Variants in ABLIM1 observed in about 807,000 individuals in gnomAD.
ABLIM1 encodes the protein actin binding LIM protein 1.
In ABLIM1, 40 loss-of-function variants were observed where a neutral mutation model predicts 107.0. The ratio of observed to expected loss-of-function variants is 0.37; its 90% CI spans 0.29 to 0.49. The LOEUF (loss-of-function observed/expected upper bound fraction) is 0.49. Ranked by LOEUF, ABLIM1 falls within the 20% of genes least tolerant of loss-of-function variation. The pLI, the probability that ABLIM1 is intolerant of heterozygous loss-of-function variation, is 0.97. For synonymous variants in ABLIM1, 357 were observed against 357.3 expected, an observed-to-expected ratio of 1.00 and a Z score of 0.01; for missense variants, 857 against 1,008.5, an observed-to-expected ratio of 0.85 and a Z score of 2.04.
chr10:114,607,889 C>T (rs1350932208), intron 1 of ABLIM1, among the ~76,000 whole-genome samples: 5 of 152,132 alleles, frequency 3.3e-5, no homozygotes, highest in South Asian at 2.1e-4. Flanking sequence ...GTAAAAACTA[C>T]GGAAATCTGA....
rs534424522 is a variant in ABLIM1, at chr10:114,576,718, G to C, written c.380-1119C>G. ...TCACTAACTACAAGCTACGGAAGAC[G>C]TTCAAGGTGATCCAAAACCCACAAA... is the stretch of plus-strand genomic sequence containing the variant. On this transcript the variant is annotated intron_variant, in intron 2 of 22. Transcript: ENST00000533213. Among the ~76,000 whole-genome samples the C allele has an allele frequency of 1.6e-4, 24 of 152,232 alleles. No homozygotes were observed. In the South Asian group the frequency reaches 1.7e-3, roughly 11 times the overall value.
chr10:114,655,405 C>T (rs2079453866), intron 1 of ABLIM1, among the ~76,000 whole-genome samples: 1 of 152,226 alleles, frequency 6.6e-6, no homozygotes, highest in Admixed American at 6.5e-5. Context: ...CTGGCTTCCC[C>T]TTGCCTTCCT....
chr10:114,554,740 T>C (rs1359968858), intron 4 of ABLIM1, among the ~76,000 whole-genome samples: 2 of 152,142 alleles, frequency 1.3e-5, no homozygotes, highest in African/African-American at 4.8e-5. Flanking sequence ...GCAGCTCTGA[T>C]AGAGGATAAT....
chr10:114,616,117 G>C (rs2077116770), intron 1 of ABLIM1, among the ~76,000 whole-genome samples: 1 of 152,164 alleles, frequency 6.6e-6, no homozygotes, highest in African/African-American at 2.4e-5. Flanking sequence ...AGGATCACTT[G>C]AGCTCAGGAG....
chr10:114,732,685 A>G (rs1408347192), intron 1 of ABLIM1, among the ~76,000 whole-genome samples: 1 of 152,182 alleles, frequency 6.6e-6, no homozygotes. Context: ...ACTTACTTTT[A>G]GTTATGCTAC....
chr10:114,772,560 T>G (rs928798759), upstream of ABLIM1, among the ~76,000 whole-genome samples: 2 of 152,088 alleles, frequency 1.3e-5, no homozygotes, highest in Non-Finnish European at 2.9e-5. Flanking sequence ...TGAGCTATGA[T>G]TGCATCACTG....
At chr10:114,666,629 A>G (rs890064199) in intron 1 of ABLIM1, among the ~76,000 whole-genome samples, 1 of 151,420 alleles carries the variant, frequency 6.6e-6, no homozygotes, top group Non-Finnish European at 1.5e-5. Flanking sequence ...GTGGGTTCTT[A>G]TTGAAGCTTG....
intron 9 of ABLIM1, among the ~76,000 whole-genome samples, chr10:114,473,475 T>C (rs1535386): frequency 0.38 from 57,491 of 152,072 alleles, 11,960 homozygotes; most frequent in South Asian, 0.47. Flanking sequence ...AAACAAGAAC[T>C]GCATAATTAA....
intron 1 of ABLIM1, among the ~76,000 whole-genome samples, chr10:114,647,401 G>A (rs2079058465): frequency 1.3e-5 from 2 of 152,160 alleles, no homozygotes; most frequent in South Asian, 4.1e-4. Flanking sequence ...AAGGATAACA[G>A]AACATATCCA....
chr10:114,437,343 G>T (rs1480399330), intron 22 of ABLIM1, among the ~76,000 whole-genome samples: 1 of 146,154 alleles, frequency 6.8e-6, no homozygotes, highest in Non-Finnish European at 1.5e-5. Context: ...TTTTTAGACG[G>T]AGTCAGGCTC....
At chr10:114,540,915 C>T (rs73359016) in intron 6 of ABLIM1, among the ~76,000 whole-genome samples, 1,923 of 152,216 alleles carry the variant, frequency 0.013, 49 homozygotes, top group African/African-American at 0.044. Flanking sequence ...CCTGTGAATG[C>T]TAGCTTATTT....
chr10:114,507,838 C>G (rs556181333), intron 6 of ABLIM1, among the ~76,000 whole-genome samples: 1 of 152,342 alleles, frequency 6.6e-6, no homozygotes, highest in South Asian at 2.1e-4. Context: ...GCTGTGCAAC[C>G]TAGGCTGATG....
intron 1 of ABLIM1, among the ~76,000 whole-genome samples, chr10:114,672,638 A>G (rs2080305123): frequency 6.6e-6 from 1 of 152,172 alleles, no homozygotes; most frequent in Non-Finnish European, 1.5e-5. Context: ...ATGTAATTCA[A>G]TTAGTATTTT....
chr10:114,594,408 A>G, intron 2 of ABLIM1, among the ~76,000 whole-genome samples: 1 of 152,208 alleles, frequency 6.6e-6, no homozygotes, highest in East Asian at 1.9e-4. Flanking sequence ...GAAGACATAC[A>G]TTATAGTAAA....
chr10:114,700,491 AACACAC>A lies in ABLIM1; in HGVS notation c.-213+67564_-213+67569del, dbSNP rs149691121. ...GCCTAGGATTGCCAAAAACAATTAA[AACACAC>A]ACACACACACACACACACACATACA... On this transcript the variant is annotated intron_variant, in intron 1 of 15. Transcript: ENST00000651092. 4.6e-3 allele frequency among the ~76,000 whole-genome samples: 678 copies of A among 148,540 alleles called. 7 individuals carry two copies. Among genetic ancestry groups the A allele is most frequent in the African/African-American group, 0.015 (625 of 40,646 alleles).
chr10:114,747,351 C>T (rs1383850233), intron 1 of ABLIM1, among the ~76,000 whole-genome samples: 1 of 152,164 alleles, frequency 6.6e-6, no homozygotes, highest in African/African-American at 2.4e-5. Flanking sequence ...ATGGGAGAGC[C>T]AGGCAGCCAT....
At position 114,451,566 on chromosome 10, in the gene ABLIM1, A is replaced by G. The variant is rs2061905114; in HGVS notation, c.1594+58T>C. 17 of 1,497,878 alleles carry G rather than the reference A, an allele frequency of 1.1e-5. No individual in the cohort carries two copies. In the South Asian group the frequency reaches 1.8e-4, roughly 16 times the overall value. 92.8% of individuals were successfully genotyped at this position (1,497,878 alleles called of 1,614,324 possible). A position where few individuals can be genotyped will look rare whatever the true frequency, so the allele number is the denominator to read the frequency against. On this transcript the variant is annotated intron_variant, in intron 14 of 22. Coordinates refer to ENST00000533213, the MANE Select transcript of ABLIM1 (RefSeq NM_002313.7). Reference sequence around the variant, plus strand: ...AGGAAAAGCCTTTCAGAGGACAGCAAGGAGAAGTTCAGCTGACTTTGCTAT... The same window carrying G: ...AGGAAAAGCCTTTCAGAGGACAGCAGGGAGAAGTTCAGCTGACTTTGCTAT...
chr10:114,442,352 A>G (rs375395394), intron 17 of ABLIM1, among the ~76,000 whole-genome samples: 6 of 152,230 alleles, frequency 3.9e-5, no homozygotes, highest in African/African-American at 1.2e-4. Flanking sequence ...TGTCAATGAT[A>G]TGGAAGCCTG....
chr10:114,545,022 T>A lies in ABLIM1; in HGVS notation c.877A>T (p.Thr293Ser). The change falls in exon 6 of 23, where the codon ACA becomes TCA. Residue 293 changes from threonine to serine, a missense_variant. Coordinates refer to ENST00000533213, the MANE Select transcript of ABLIM1 (RefSeq NM_002313.7). ...CCACTTACCTCCAGGACTTTCCCTG[T>A]GATAAACTGGTGACACGCCTCACAT... ...VKCEACHQFITGKVLEAGDKH... is the reference protein window; with the variant it reads ...VKCEACHQFISGKVLEAGDKH... 6.2e-7 allele frequency: 1 copy of A among 1,614,132 alleles called. No individual in the cohort carries two copies. The highest frequency in any genetic ancestry group is 8.5e-7 in the Non-Finnish European group (1 of 1,180,010).
Sources: allele counts gnomAD v4.1 joint callset (sites outside exome capture counted in the v4.1 genomes callset), GRCh38; gene constraint gnomAD v4.1.1; transcripts MANE v1.5; gene names NCBI Gene and HGNC (gene_info 2026-07-23, HGNC 2026-07-21).